SPATA16: variants seen among roughly 807,000 people sequenced by gnomAD.
SPATA16 encodes the protein spermatogenesis associated 16, also known as spermatogenesis-associated protein 16.
In SPATA16, 36 loss-of-function variants were observed where a neutral mutation model predicts 63.3. That is an observed-to-expected ratio of 0.57 (90% CI 0.44 to 0.75). SPATA16 has a LOEUF of 0.75. SPATA16 is among the 30% of genes least tolerant of loss of function. The probability of loss-of-function intolerance (pLI) is 0.00; values close to 1 mark genes in which losing one functional copy is unlikely to be tolerated. For missense variants in SPATA16, 646 were observed against 679.3 expected (o/e 0.95, Z 0.54); for synonymous variants, 203 against 216.7 (o/e 0.94, Z 0.56).
intron 5 of SPATA16, among the ~76,000 whole-genome samples, chr3:172,961,131 T>TTC (rs1733774324): frequency 1.1e-4 from 17 of 150,196 alleles, no homozygotes; most frequent in African/African-American, 2.0e-4. Flanking sequence ...CCTTCCTTTC[T>TTC]CTTTCTTGTG....
chr3:173,078,113 G>T (rs898655936), intron 2 of SPATA16, among the ~76,000 whole-genome samples: 50 of 152,040 alleles, frequency 3.3e-4, no homozygotes, highest in African/African-American at 1.2e-3. Flanking sequence ...ATAGGAGATA[G>T]TTACTTATAT....
chr3:172,942,279 GTAAT>G (rs1474457998), intron 6 of SPATA16, among the ~76,000 whole-genome samples: 1 of 151,958 alleles, frequency 6.6e-6, no homozygotes, highest in Non-Finnish European at 1.5e-5. Flanking sequence ...ACATAAATAA[GTAAT>G]TAAATAGATA....
At chr3:173,093,319 A>G (rs1737271042) in intron 2 of SPATA16, among the ~76,000 whole-genome samples, 1 of 152,138 alleles carries the variant, frequency 6.6e-6, no homozygotes, top group South Asian at 2.1e-4. Flanking sequence ...TGAAATAAAA[A>G]TTGTGGGAAG....
chr3:173,028,013 C>CCCTCCCTTCTTTCCTTCCTTCCTT (rs1560100953), intron 3 of SPATA16, among the ~76,000 whole-genome samples: 1 of 35,068 alleles, frequency 2.9e-5, no homozygotes, highest in African/African-American at 2.1e-4. Context: ...CTCCCTCCCT[C>CCCTCCCTTCTTTCCTTCCTTCCTT]CCTTCCTTCT....
intron 6 of SPATA16, among the ~76,000 whole-genome samples, chr3:172,945,445 G>C (rs772622383): frequency 1.8e-4 from 28 of 152,090 alleles, no homozygotes; most frequent in Non-Finnish European, 3.4e-4. Flanking sequence ...AAAATTAGAT[G>C]GACCATTATA....
intron 1 of SPATA16, among the ~76,000 whole-genome samples, chr3:173,125,818 C>T (rs1444323340): frequency 6.6e-6 from 1 of 152,190 alleles, no homozygotes; most frequent in East Asian, 1.9e-4. Context: ...ACTTAGTTCA[C>T]TGCTATATAC....
intron 2 of SPATA16, among the ~76,000 whole-genome samples, chr3:173,100,099 G>A (rs1478265014): frequency 2.0e-5 from 3 of 152,130 alleles, no homozygotes; most frequent in Non-Finnish European, 4.4e-5. Context: ...CACTAAAGCT[G>A]AGAGAAATAT....
chr3:172,959,688 G>A (rs903352567), intron 5 of SPATA16, among the ~76,000 whole-genome samples: 1 of 151,546 alleles, frequency 6.6e-6, no homozygotes, highest in Non-Finnish European at 1.5e-5. Context: ...ATCCTTTTGT[G>A]TTTTAATGTA....
chr3:173,127,305 C>G (rs1738250716), intron 1 of SPATA16, among the ~76,000 whole-genome samples: 1 of 152,098 alleles, frequency 6.6e-6, no homozygotes, highest in Non-Finnish European at 1.5e-5. Context: ...GTGCACATTT[C>G]CTAAGACTGA....
chr3:172,986,260 G>A (rs1734454671), intron 4 of SPATA16, among the ~76,000 whole-genome samples: 1 of 152,086 alleles, frequency 6.6e-6, no homozygotes, highest in Non-Finnish European at 1.5e-5. Context: ...GTTGTTGTTT[G>A]TTGTTGGGTC....
intron 2 of SPATA16, among the ~76,000 whole-genome samples, chr3:173,102,888 G>A (rs753564415): frequency 1.2e-4 from 19 of 152,152 alleles, no homozygotes; most frequent in Non-Finnish European, 2.5e-4. Flanking sequence ...TCCAATATGA[G>A]CCTGTAAAAT....
intron 2 of SPATA16, among the ~76,000 whole-genome samples, chr3:173,050,115 T>A (rs1348062091): frequency 1.3e-5 from 2 of 152,178 alleles, no homozygotes; most frequent in Non-Finnish European, 2.9e-5. Context: ...TTAAAATAAA[T>A]TTTCTTTTAT....
rs145690704 is a variant in SPATA16 at position 172,963,900 on chromosome 3, G to GC, written c.934-7077dup. On this transcript the variant is annotated intron_variant, in intron 5 of 10. Coordinates refer to ENST00000351008, the MANE Select transcript of SPATA16 (RefSeq NM_031955.6). Reference sequence around the variant, plus strand: ...TAAGCCAATCTTTCTTCTACAGTGAGCAACATTTTATTCTTTTAATTAGAT... The same window carrying GC: ...TAAGCCAATCTTTCTTCTACAGTGAGCCAACATTTTATTCTTTTAATTAGAT... Among the ~76,000 whole-genome samples the GC allele has an allele frequency of 1.6e-3, 245 of 152,240 alleles. 1 individual carries two copies. Among genetic ancestry groups the GC allele is most frequent in the African/African-American group, 5.8e-3 (240 of 41,552 alleles).
chr3:173,130,894 G>A (rs1738365473), intron 1 of SPATA16, among the ~76,000 whole-genome samples: 1 of 152,134 alleles, frequency 6.6e-6, no homozygotes, highest in Non-Finnish European at 1.5e-5. Context: ...TCTTTTTCTA[G>A]GGTAAGTAAC....
intron 5 of SPATA16, among the ~76,000 whole-genome samples, chr3:172,969,795 G>C (rs988249829): frequency 6.6e-6 from 1 of 152,168 alleles, no homozygotes; most frequent in African/African-American, 2.4e-5. Context: ...GGGCTTGATC[G>C]TGTGGCTTGC....
chr3:173,012,143 G>A (rs1399325150), intron 4 of SPATA16, among the ~76,000 whole-genome samples: 4 of 152,084 alleles, frequency 2.6e-5, no homozygotes, highest in Non-Finnish European at 2.9e-5. Flanking sequence ...CACCAATAAT[G>A]TTCAAGCTCA....
chr3:172,990,500 G>A (rs1157153640), intron 4 of SPATA16, among the ~76,000 whole-genome samples: 2 of 152,056 alleles, frequency 1.3e-5, no homozygotes, highest in Non-Finnish European at 2.9e-5. Context: ...TTGCTCCTTT[G>A]GAAATATTTC....
At chr3:173,083,739 G>A (rs1736978823) in intron 2 of SPATA16, among the ~76,000 whole-genome samples, 1 of 152,130 alleles carries the variant, frequency 6.6e-6, no homozygotes, top group South Asian at 2.1e-4. Context: ...AACATGTGGT[G>A]TTTGGTTTTC....
intron 6 of SPATA16, among the ~76,000 whole-genome samples, chr3:172,942,108 G>A (rs1499620): frequency 0.38 from 57,819 of 151,810 alleles, 11,280 homozygotes; most frequent in Admixed American, 0.44. Context: ...CACAGAAATC[G>A]ACAAAGATCT....
Sources: allele counts gnomAD v4.1 joint callset (sites outside exome capture counted in the v4.1 genomes callset), GRCh38; gene constraint gnomAD v4.1.1; transcripts MANE v1.5; gene names NCBI Gene and HGNC (gene_info 2026-07-23, HGNC 2026-07-21).